TNRC6B: variants seen among roughly 807,000 people sequenced by gnomAD.
The protein encoded by TNRC6B is trinucleotide repeat-containing gene 6B protein.
TNRC6B carries 52 observed loss-of-function variants against 203.6 expected under a neutral mutation model. The ratio of observed to expected loss-of-function variants is 0.26; its 90% CI spans 0.20 to 0.32. TNRC6B has a LOEUF of 0.32. Ranked by LOEUF, TNRC6B falls within the 10% of genes least tolerant of loss-of-function variation. The pLI, the probability that TNRC6B is intolerant of heterozygous loss-of-function variation, is 1.00. For synonymous variants in TNRC6B, 838 were observed against 845.7 expected (o/e 0.99, Z 0.16); for missense variants, 1,923 against 2,286.2 (o/e 0.84, Z 3.24).
At chr22:40,130,105 T>G (rs960342028) in intron 3 of TNRC6B, among the ~76,000 whole-genome samples, 2 of 152,170 alleles carry the variant, frequency 1.3e-5, no homozygotes, top group Non-Finnish European at 1.5e-5. Flanking sequence ...GAGGATTAAG[T>G]TCAAGTGAAA....
intron 1 of TNRC6B, among the ~76,000 whole-genome samples, chr22:40,191,147 G>A (rs2069266548): frequency 6.6e-6 from 1 of 152,144 alleles, no homozygotes; most frequent in Non-Finnish European, 1.5e-5. Flanking sequence ...CGCTTGGTGT[G>A]GTGGAGTGGT....
intron 1 of TNRC6B, among the ~76,000 whole-genome samples, chr22:40,089,018 A>T (rs544085090): frequency 6.6e-6 from 1 of 152,138 alleles, no homozygotes; most frequent in Non-Finnish European, 1.5e-5. Context: ...AAGTCCTTCA[A>T]CTGTACTCAT....
chr22:40,137,036 G>A (rs1332052934), intron 3 of TNRC6B, among the ~76,000 whole-genome samples: 4 of 151,808 alleles, frequency 2.6e-5, no homozygotes, highest in Non-Finnish European at 5.9e-5. Flanking sequence ...TGCAAGATCT[G>A]TTCTTAATAT....
At chr22:40,153,512 A>G (rs2068779292) in intron 3 of TNRC6B, among the ~76,000 whole-genome samples, 1 of 151,356 alleles carries the variant, frequency 6.6e-6, no homozygotes, top group African/African-American at 2.4e-5. Context: ...GAGTTTGAGG[A>G]TGAATTAATG....
In TNRC6B at chr22:40,266,112, A is replaced by G. The variant is rs775245246; in HGVS notation, c.1882A>G (p.Ile628Val). 1 of 1,613,952 alleles carries G rather than the reference A, an allele frequency of 6.2e-7. No individual in the cohort carries two copies. ...LSNTGWGQTQ[I>V]KQDTVWDIEE... is the part of the protein sequence containing the mutation. ...AAACACTGGCTGGGGCCAAACTCAA[A>G]TTAAGCAGGACACAGTGTGGGACAT... is the stretch of plus-strand genomic sequence containing the variant. Residue 628 changes from isoleucine (I) to valine (V), a missense_variant, in exon 5 of 23, where the codon ATT (isoleucine) becomes GTT (valine). By Grantham distance (29) the Ile-to-Val change is conservative. Transcript: ENST00000454349.
intron 4 of TNRC6B, among the ~76,000 whole-genome samples, chr22:40,167,297 G>A (rs1569004933): frequency 6.6e-6 from 1 of 152,136 alleles, no homozygotes; most frequent in Admixed American, 6.5e-5. Flanking sequence ...GACACAAGGG[G>A]AACCATAATG....
chr22:40,048,791 G>A (rs1045462853), intron 1 of TNRC6B, among the ~76,000 whole-genome samples: 2 of 151,984 alleles, frequency 1.3e-5, no homozygotes, highest in Non-Finnish European at 2.9e-5. Context: ...TTTGTATCAC[G>A]GCTTTCTCTT....
intron 3 of TNRC6B, among the ~76,000 whole-genome samples, chr22:40,142,704 A>T (rs932215989): frequency 2.0e-5 from 3 of 152,184 alleles, no homozygotes; most frequent in Admixed American, 6.5e-5. Context: ...TCTTTTTTTC[A>T]GAAGTCAAGC....
intron 3 of TNRC6B, among the ~76,000 whole-genome samples, chr22:40,131,122 G>T (rs910052550): frequency 2.6e-5 from 4 of 151,916 alleles, no homozygotes; most frequent in Admixed American, 6.6e-5. Flanking sequence ...GGGTTTCAGC[G>T]TGTTAGCCAG....
At chr22:40,267,410 T>C (rs1238346956) in intron 5 of TNRC6B, among the ~76,000 whole-genome samples, 1 of 152,248 alleles carries the variant, frequency 6.6e-6, no homozygotes, top group Non-Finnish European at 1.5e-5. Flanking sequence ...GTTCTACCCA[T>C]GGACATGTCT....
intron 2 of TNRC6B, among the ~76,000 whole-genome samples, chr22:40,250,009 A>G (rs2070166126): frequency 6.6e-6 from 1 of 152,224 alleles, no homozygotes; most frequent in South Asian, 2.1e-4. Context: ...GGTCAGCTAC[A>G]GGACCTTCCT....
chr22:40,285,844 TG>T, intron 12 of TNRC6B, 74 bp downstream of exon 12: 1 of 1,549,934 alleles, frequency 6.5e-7, no homozygotes, highest in Non-Finnish European at 8.7e-7. Context: ...AACTGATTTT[TG>T]TGGGCATAAA....
At chr22:40,094,748 G>T (rs1204389499) in intron 1 of TNRC6B, among the ~76,000 whole-genome samples, 1 of 152,214 alleles carries the variant, frequency 6.6e-6, no homozygotes, top group African/African-American at 2.4e-5. Context: ...GATGTTGAAT[G>T]TTGAACATGT....
intron 1 of TNRC6B, among the ~76,000 whole-genome samples, chr22:40,094,436 TACTC>T (rs2068172306): frequency 1.3e-5 from 2 of 152,206 alleles, no homozygotes; most frequent in Non-Finnish European, 2.9e-5. Context: ...TGATAGCAGA[TACTC>T]AAGTACAGGA....
rs538811130 is a variant in TNRC6B, at chr22:40,145,383, A to G, written c.46-10732A>G. On this transcript the variant is annotated intron_variant, in intron 3 of 23. Transcript: ENST00000301923. ...CCACCCATCTCCTTAGTCTGTTGAG[A>G]CCATGTTAAATATTGATTCTTTTAT... Among the ~76,000 whole-genome samples the G allele has an allele frequency of 3.3e-4, 51 of 152,282 alleles. 1 individual carries two copies. The South Asian group carries it at 0.01, about 30-fold the overall frequency.
chr22:40,182,273 A>AT (rs1185099409), intron 1 of TNRC6B, among the ~76,000 whole-genome samples: 1 of 152,192 alleles, frequency 6.6e-6, no homozygotes, highest in Non-Finnish European at 1.5e-5. Context: ...AAGAAAAAAA[A>AT]GCCAAATAAT....
chr22:40,162,296 G>A (rs1042013383), intron 4 of TNRC6B, among the ~76,000 whole-genome samples: 3 of 152,002 alleles, frequency 2.0e-5, no homozygotes, highest in East Asian at 1.9e-4. Flanking sequence ...GGGTTTCACC[G>A]TGTTAGCCAG....
At chr22:40,057,636 A>G (rs1280104715) in intron 1 of TNRC6B, among the ~76,000 whole-genome samples, 1 of 152,182 alleles carries the variant, frequency 6.6e-6, no homozygotes, top group Admixed American at 6.5e-5. Flanking sequence ...AAAAATATAT[A>G]TACATATCTC....
At chr22:40,154,534 A>G (rs1266129305) in intron 3 of TNRC6B, among the ~76,000 whole-genome samples, 1 of 149,544 alleles carries the variant, frequency 6.7e-6, no homozygotes, top group African/African-American at 2.5e-5. Flanking sequence ...ATGTACATAC[A>G]TATGGTTAAA....
Sources: allele counts gnomAD v4.1 joint callset (sites outside exome capture counted in the v4.1 genomes callset), GRCh38; gene constraint gnomAD v4.1.1; transcripts MANE v1.5; gene names NCBI Gene and HGNC (gene_info 2026-07-23, HGNC 2026-07-21).